Variants in COP1 observed in about 807,000 individuals in gnomAD.
COP1 encodes E3 ubiquitin-protein ligase COP1.
A neutral mutation model predicts 101.3 loss-of-function variants in COP1; 24 were observed. The ratio of observed to expected loss-of-function variants is 0.24; its 90% CI spans 0.17 to 0.33. COP1 has a LOEUF of 0.33. Ranked by LOEUF, COP1 falls within the 10% of genes least tolerant of loss-of-function variation. The pLI is 1.00. For synonymous variants in COP1, 347 were observed against 341.9 expected (o/e 1.01, Z -0.17); for missense variants, 663 against 906.2 (o/e 0.73, Z 3.45).
chr1:175,997,657 A>T (rs1200662188), intron 15 of COP1, among the ~76,000 whole-genome samples: 4 of 152,244 alleles, frequency 2.6e-5, no homozygotes, highest in Admixed American at 1.3e-4. Context: ...AATGCTCATC[A>T]TCACTGGCTA....
At chr1:176,184,772 A>G (rs540836800) in intron 1 of COP1, 80 bp from the exon 2 acceptor site, 16 of 927,354 alleles carry the variant, frequency 1.7e-5, no homozygotes, top group Non-Finnish European at 2.2e-5. Context: ...AACAATACCA[A>G]TGAAATCATA....
rs538995769 is a variant in COP1 at position 176,106,055 on chromosome 1, G to C, written c.1026+10569C>G. ...TGTTTTGTTTTGTTTTTTTGAGACAGAGTCTCGCTCTGCTGCCCAGGCTGG... is the reference window on the plus strand; with the variant it reads ...TGTTTTGTTTTGTTTTTTTGAGACACAGTCTCGCTCTGCTGCCCAGGCTGG... On this transcript the variant is annotated intron_variant, in intron 9 of 19. Coordinates refer to ENST00000367669, the MANE Select transcript of COP1 (RefSeq NM_022457.7). 1.5e-4 allele frequency among the ~76,000 whole-genome samples: 23 copies of C among 152,226 alleles called. No homozygotes were observed. The South Asian group carries it at 4.1e-3, about 27-fold the overall frequency.
intron 18 of COP1, among the ~76,000 whole-genome samples, chr1:175,978,832 G>A (rs965281461): frequency 7.9e-5 from 12 of 152,246 alleles, no homozygotes; most frequent in East Asian, 1.9e-4. Context: ...TGTCTTCTCC[G>A]CACTCATTGA....
At position 176,040,823 on chromosome 1, in the gene COP1, G is replaced by A. The variant is rs551952205; in HGVS notation, c.1612+2363C>T. 2.6e-5 allele frequency among the ~76,000 whole-genome samples: 4 copies of A among 152,252 alleles called. No homozygotes were observed. In the South Asian group the frequency reaches 8.3e-4, roughly 32 times the overall value. ...CATGATGCGAAATAAAGCTTCCAATGCTAGAGCTATCCTTGCCTATCAAAA... is the reference window on the plus strand; with the variant it reads ...CATGATGCGAAATAAAGCTTCCAATACTAGAGCTATCCTTGCCTATCAAAA... On this transcript the variant is annotated intron_variant, in intron 14 of 19. Coordinates refer to ENST00000367669, the MANE Select transcript of COP1 (RefSeq NM_022457.7).
intron 2 of COP1, among the ~76,000 whole-genome samples, chr1:176,182,239 A>C (rs539920159): frequency 1.3e-5 from 2 of 152,330 alleles, no homozygotes; most frequent in Admixed American, 1.3e-4. Context: ...AAAGAGGAGG[A>C]ATTGAAGGAG....
chr1:176,130,074 C>T (rs1013937051), intron 8 of COP1, among the ~76,000 whole-genome samples: 1 of 151,586 alleles, frequency 6.6e-6, no homozygotes, highest in African/African-American at 2.4e-5. Context: ...ATAACGTCCA[C>T]CCAGTTTACC....
chr1:176,166,053 A>T (rs1346900600), intron 3 of COP1, among the ~76,000 whole-genome samples: 1 of 152,238 alleles, frequency 6.6e-6, no homozygotes, highest in African/African-American at 2.4e-5. Context: ...GATTCTCAAT[A>T]ACAATACTGT....
intron 9 of COP1, among the ~76,000 whole-genome samples, chr1:176,098,539 A>G (rs1194337929): frequency 6.6e-6 from 1 of 152,244 alleles, no homozygotes; most frequent in Non-Finnish European, 1.5e-5. Flanking sequence ...TAATCTTCCA[A>G]AATAAATTCT....
chr1:176,021,328 A>G (rs1314236053), intron 15 of COP1, among the ~76,000 whole-genome samples: 1 of 152,226 alleles, frequency 6.6e-6, no homozygotes, highest in Non-Finnish European at 1.5e-5. Flanking sequence ...CTCAAAAAGT[A>G]GTACAGAATT....
At chr1:175,980,664 T>C (rs1008649165) in intron 18 of COP1, among the ~76,000 whole-genome samples, 1 of 151,958 alleles carries the variant, frequency 6.6e-6, no homozygotes, top group Non-Finnish European at 1.5e-5. Context: ...ACAGAAAATG[T>C]CCACCCTAAT....
At chr1:176,204,204 C>A (rs1449494494) in intron 1 of COP1, among the ~76,000 whole-genome samples, 2 of 152,162 alleles carry the variant, frequency 1.3e-5, no homozygotes, top group African/African-American at 4.8e-5. Flanking sequence ...AAAATTACTT[C>A]TCTGTGCCTC....
intron 3 of COP1, among the ~76,000 whole-genome samples, chr1:176,173,333 A>AAAAAAAAAAAAAAAAC (rs1696390272): frequency 6.7e-6 from 1 of 148,354 alleles, no homozygotes. Flanking sequence ...TGAAAAAAAA[A>AAAAAAAAAAAAAAAAC]AAAAAAAAAA....
chr1:176,140,853 A>T (rs927656693), intron 6 of COP1, among the ~76,000 whole-genome samples: 1 of 152,198 alleles, frequency 6.6e-6, no homozygotes, highest in Non-Finnish European at 1.5e-5. Flanking sequence ...GAGAACTAAG[A>T]CAATGCTATT....
rs567497016 is a variant in COP1, at chr1:176,065,575, G to A, written c.1277+15577C>T. On this transcript the variant is annotated intron_variant, in intron 11 of 19. Coordinates refer to ENST00000367669, the MANE Select transcript of COP1 (RefSeq NM_022457.7). ...TGCCATAAAAATTCTTTTGAGCTGA[G>A]GACAATGGAAAAAGAGTAAACATAG... 1.1e-4 allele frequency among the ~76,000 whole-genome samples: 16 copies of A among 152,196 alleles called. No individual in the cohort carries two copies. The East Asian group carries it at 2.1e-3, about 20-fold the overall frequency.
At chr1:176,043,500 C>T (rs1054677080) in intron 13 of COP1, among the ~76,000 whole-genome samples, 2 of 151,880 alleles carry the variant, frequency 1.3e-5, no homozygotes, top group African/African-American at 4.8e-5. Flanking sequence ...CCATAAAGAC[C>T]GAAGTCTGAA....
intron 18 of COP1, among the ~76,000 whole-genome samples, chr1:175,977,350 T>A (rs1320198010): frequency 2.6e-5 from 4 of 152,158 alleles, no homozygotes; most frequent in Non-Finnish European, 5.9e-5. Flanking sequence ...AATCTGCATA[T>A]CTAGTTAAAA....
At chr1:175,972,161 C>A (rs534806742) in intron 18 of COP1, among the ~76,000 whole-genome samples, 172 of 152,268 alleles carry the variant, frequency 1.1e-3, no homozygotes, top group African/African-American at 4.1e-3. Context: ...GGTTCTTGGT[C>A]CTCACCTTCA....
intron 11 of COP1, among the ~76,000 whole-genome samples, chr1:176,056,232 T>A (rs1202394661): frequency 1.3e-5 from 2 of 152,230 alleles, no homozygotes; most frequent in African/African-American, 4.8e-5. Flanking sequence ...TTTTCTGATG[T>A]TCCATGGACA....
chr1:176,081,056 C>A (rs938279716), intron 11 of COP1, 96 bp downstream of exon 11: 2 of 1,118,186 alleles, frequency 1.8e-6, no homozygotes, highest in Non-Finnish European at 2.6e-6. Flanking sequence ...TACTTCAGAA[C>A]CCACGCTTTT....
Sources: allele counts gnomAD v4.1 joint callset (sites outside exome capture counted in the v4.1 genomes callset), GRCh38; gene constraint gnomAD v4.1.1; transcripts MANE v1.5; gene names NCBI Gene and HGNC (gene_info 2026-07-23, HGNC 2026-07-21).